Variants in MTIF2 observed in about 807,000 individuals in gnomAD.
MTIF2 encodes translation initiation factor IF-2, mitochondrial.
Under a neutral mutation model 83.5 loss-of-function variants are expected in MTIF2, and 71 were observed. That is an observed-to-expected ratio of 0.85 (90% CI 0.70 to 1.04). MTIF2 has a LOEUF of 1.04. MTIF2 is among the 50% of genes least tolerant of loss of function. The pLI is 0.00. For synonymous variants in MTIF2, 319 were observed against 287.1 expected (o/e 1.11, Z -1.12); for missense variants, 957 against 846.5 (o/e 1.13, Z -1.62).
At chr2:55,262,878 G>A (rs368679812) in intron 4 of MTIF2, among the ~76,000 whole-genome samples, 4 of 152,072 alleles carry the variant, frequency 2.6e-5, no homozygotes, top group South Asian at 4.1e-4. Flanking sequence ...ACAGGCATGC[G>A]CCACCATGCC....
chr2:55,244,954 G>A (rs1021474481), intron 10 of MTIF2, among the ~76,000 whole-genome samples: 1 of 152,114 alleles, frequency 6.6e-6, no homozygotes, highest in African/African-American at 2.4e-5. Context: ...GGCTGAGGCA[G>A]GAGAATCACT....
rs1015888638 is a variant in MTIF2, at chr2:55,254,506, C to T, written c.503+148G>A. The T allele has an allele frequency of 9.8e-6, 7 of 714,156 alleles. No individual in the cohort carries two copies. In the East Asian group the frequency reaches 1.5e-4, roughly 15 times the overall value. The allele number at this position is 714,156 out of a possible 1,614,324, so 44.2% of individuals were successfully genotyped here. ...TTTATAATAACTTGAATGTATAATA[C>T]ACTTTCTAATGCTTTAAGTACTTCG... On this transcript the variant is annotated intron_variant, in intron 6 of 15. Coordinates refer to ENST00000263629, the MANE Select transcript of MTIF2 (RefSeq NM_002453.3).
At chr2:55,238,389 G>GTTTTT (rs34278300) in intron 14 of MTIF2, among the ~76,000 whole-genome samples, 2 of 117,442 alleles carry the variant, frequency 1.7e-5, no homozygotes, top group Non-Finnish European at 3.3e-5. Context: ...TCTGAGCCTG[G>GTTTTT]TTTTTTTTTT....
At chr2:55,258,874 G>T (rs6726380) in intron 5 of MTIF2, among the ~76,000 whole-genome samples, 1 of 151,214 alleles carries the variant, frequency 6.6e-6, no homozygotes, top group Non-Finnish European at 1.5e-5. Context: ...CAGCTATTCA[G>T]GAGGCTGAAG....
chr2:55,246,100 A>G (rs1485108035), intron 10 of MTIF2, among the ~76,000 whole-genome samples: 1 of 152,244 alleles, frequency 6.6e-6, no homozygotes, highest in Non-Finnish European at 1.5e-5. Context: ...TGAACTACTT[A>G]TGTCACCTAA....
At chr2:55,240,441 G>A (rs376111072) in intron 13 of MTIF2, among the ~76,000 whole-genome samples, 31 of 152,112 alleles carry the variant, frequency 2.0e-4, no homozygotes, top group African/African-American at 5.8e-4. Flanking sequence ...TTAGCCGGGC[G>A]TGGTGGTGGC....
chr2:55,239,131 C>T (rs1038513468), intron 14 of MTIF2, among the ~76,000 whole-genome samples: 1 of 152,112 alleles, frequency 6.6e-6, no homozygotes, highest in Non-Finnish European at 1.5e-5. Flanking sequence ...AATCCATGAT[C>T]CTGGACTGGG....
In MTIF2 at chr2:55,242,993, AAATGTACT is replaced by A; in HGVS notation, c.1644_1651del (p.Leu548PhefsTer5). 1 of 1,613,112 alleles carries A rather than the reference AAATGTACT, an allele frequency of 6.2e-7. No homozygotes were observed. Among genetic ancestry groups the A allele is most frequent in the Non-Finnish European group, 8.5e-7 (1 of 1,179,564 alleles). On this transcript the variant is annotated frameshift_variant, in exon 13 of 16. Transcript: ENST00000263629. LOFTEE classifies it high-confidence loss of function. ...ATTTGCACTTACATCACCCACTCCA[AAATGTACT>A]AATTCTAGTTCACACTCGTGTGAAG...
chr2:55,262,246 T>C, intron 5 of MTIF2, 70 bp downstream of exon 5: 2 of 1,029,542 alleles, frequency 1.9e-6, no homozygotes. Flanking sequence ...AATGCCTTAA[T>C]CTCGTTGCAA....
At chr2:55,237,837 G>A (rs988701953) in intron 14 of MTIF2, among the ~76,000 whole-genome samples, 1 of 151,602 alleles carries the variant, frequency 6.6e-6, no homozygotes, top group Non-Finnish European at 1.5e-5. Flanking sequence ...TGTTAGTAGA[G>A]ACGGGGTTTC....
intron 3 of MTIF2, among the ~76,000 whole-genome samples, chr2:55,267,133 T>C (rs1434190886): frequency 2.6e-5 from 4 of 151,738 alleles, no homozygotes; most frequent in African/African-American, 2.4e-5. Flanking sequence ...AGTAAATGTA[T>C]GGTTCTGACA....
intron 13 of MTIF2, 100 bp downstream of exon 13, chr2:55,242,840 G>GCTGA: frequency 8.1e-7 from 1 of 1,236,042 alleles, no homozygotes; most frequent in Admixed American, 2.2e-5. Context: ...GCTGATAGCA[G>GCTGA]TAAATGTCAG....
chr2:55,251,110 C>CAAAAA (rs57949152), intron 8 of MTIF2, among the ~76,000 whole-genome samples: 173 of 70,590 alleles, frequency 2.5e-3, no homozygotes, highest in Middle Eastern at 8.5e-3. Flanking sequence ...AACTCCGTCT[C>CAAAAA]AAAAAAAAAA....
chr2:55,259,624 T>C (rs1170657515), intron 5 of MTIF2, among the ~76,000 whole-genome samples: 1 of 152,208 alleles, frequency 6.6e-6, no homozygotes, highest in Non-Finnish European at 1.5e-5. Context: ...TTCTTTCTGC[T>C]ACCATATTTG....
chr2:55,264,129 GCT>G, intron 3 of MTIF2, among the ~76,000 whole-genome samples: 1 of 152,212 alleles, frequency 6.6e-6, no homozygotes, highest in Middle Eastern at 3.4e-3. Flanking sequence ...CTTGTAAAAG[GCT>G]CTTTTTTCAC....
At chr2:55,247,384 T>A (rs564920619) in intron 9 of MTIF2, among the ~76,000 whole-genome samples, 2 of 152,092 alleles carry the variant, frequency 1.3e-5, no homozygotes, top group Admixed American at 1.3e-4. Context: ...AAACCACATC[T>A]CTACTAAAAA....
intron 4 of MTIF2, among the ~76,000 whole-genome samples, chr2:55,263,055 G>T (rs533060313): frequency 6.6e-6 from 1 of 152,154 alleles, no homozygotes; most frequent in South Asian, 2.1e-4. Context: ...TAGTGATGGG[G>T]TTTCACCATG....
chr2:55,246,328 G>T lies in MTIF2; in HGVS notation c.1106+9C>A, dbSNP rs754821266. 2.8e-5 allele frequency: 44 copies of T among 1,586,300 alleles called. No individual in the cohort carries two copies. The highest frequency in any genetic ancestry group is 3.7e-5 in the Non-Finnish European group (43 of 1,165,660). ...CAAATTAAAAAGGCAAGCATTTTAA[G>T]AGTCCTACCCTCTTCCTTTGTCTGT... is the stretch of plus-strand genomic sequence containing the variant. On this transcript the variant is annotated intron_variant, in intron 10 of 15. Coordinates refer to ENST00000263629, the MANE Select transcript of MTIF2 (RefSeq NM_002453.3).
intron 9 of MTIF2, among the ~76,000 whole-genome samples, chr2:55,248,626 A>G (rs932916287): frequency 2.0e-5 from 3 of 152,252 alleles, no homozygotes; most frequent in Admixed American, 6.5e-5. Context: ...ATCTTAAAGA[A>G]AATGGAATTC....
Sources: allele counts gnomAD v4.1 joint callset (sites outside exome capture counted in the v4.1 genomes callset), GRCh38; gene constraint gnomAD v4.1.1; transcripts MANE v1.5; gene names NCBI Gene and HGNC (gene_info 2026-07-23, HGNC 2026-07-21).